The following UTP11 variants were observed in gnomAD, a reference collection of about 807,000 sequenced individuals.
UTP11 encodes probable U3 small nucleolar RNA-associated protein 11.
In UTP11, 29 loss-of-function variants were observed where a neutral mutation model predicts 39.0. The observed-to-expected ratio is 0.74, with a 90% CI of 0.55 to 1.01. The LOEUF is 1.01. Ranked by LOEUF, UTP11 falls within the 50% of genes least tolerant of loss-of-function variation. The probability of loss-of-function intolerance (pLI) is 0.00; values close to 1 mark genes in which losing one functional copy is unlikely to be tolerated. For synonymous variants in UTP11, 111 were observed against 105.0 expected, an observed-to-expected ratio of 1.06 and a Z score of -0.35; for missense variants, 281 against 306.0, an observed-to-expected ratio of 0.92 and a Z score of 0.61.
At chr1:38,022,334 G>A (rs145502539) in intron 6 of UTP11, among the ~76,000 whole-genome samples, 25 of 152,196 alleles carry the variant, frequency 1.6e-4, no homozygotes, top group African/African-American at 4.8e-4. Context: ...TGTAAATGAC[G>A]GGTTTCGATA....
intron 3 of UTP11, 37 bp from the exon 4 acceptor site, chr1:38,018,427 T>C: frequency 6.8e-7 from 1 of 1,478,574 alleles, no homozygotes; most frequent in South Asian, 1.2e-5. Flanking sequence ...ATGATTTTAA[T>C]CTAATAGGGA....
Position 38,012,755 on chromosome 1 carries a change from A to C in UTP11, c.-48A>C, listed in dbSNP as rs1018709830. ...AATCAGTGGACTTGGCGGCAGAGGC[A>C]GTGCGGATCCGGCGTTCTCCACTGA... On this transcript the variant is annotated 5_prime_UTR_variant, in exon 1 of 8. Coordinates refer to ENST00000373014, the MANE Select transcript of UTP11 (RefSeq NM_016037.4). The C allele has an allele frequency of 1.2e-6, 2 of 1,612,720 alleles. No individual in the cohort carries two copies. The highest frequency in any genetic ancestry group is 1.3e-5 in the African/African-American group (1 of 75,056).
intron 6 of UTP11, among the ~76,000 whole-genome samples, chr1:38,021,398 G>A (rs1005821982): frequency 6.6e-6 from 1 of 152,078 alleles, no homozygotes; most frequent in African/African-American, 2.4e-5. Flanking sequence ...TTTCTATTTT[G>A]TTTACTGCAA....
intron 1 of UTP11, among the ~76,000 whole-genome samples, chr1:38,013,818 G>A (rs977061266): frequency 6.6e-6 from 1 of 152,074 alleles, no homozygotes; most frequent in Non-Finnish European, 1.5e-5. Flanking sequence ...AGGTTCAAGC[G>A]GTTCTCCTGC....
At chr1:38,022,494 A>G (rs995682695) in intron 6 of UTP11, among the ~76,000 whole-genome samples, 2 of 151,998 alleles carry the variant, frequency 1.3e-5, no homozygotes, top group Non-Finnish European at 2.9e-5. Flanking sequence ...GGCGTGAGCC[A>G]CTGCGTCTGG....
In UTP11 at chr1:38,022,759, A is replaced by C; in HGVS notation, c.628A>C (p.Lys210Gln). ...CCTGACACAGCGGATTGAACGAGAG[A>C]AGAAATTGTTCGTTATTGCTCAGAA... ...NCLTQRIEREKKLFVIAQKIQ... is the reference protein window; with the variant it reads ...NCLTQRIEREQKLFVIAQKIQ... Residue 210 changes from lysine (K) to glutamine (Q), a missense_variant, in exon 7 of 8, where the codon AAG becomes CAG. Lys to Gln is a moderately conservative substitution (Grantham distance 53). Transcript: ENST00000373014. 6.2e-7 allele frequency: 1 copy of C among 1,614,156 alleles called. No individual in the cohort carries two copies. The highest frequency in any genetic ancestry group is 1.1e-5 in the South Asian group (1 of 91,082).
At position 38,018,010 on chromosome 1, in the gene UTP11, T is replaced by C. The variant is rs75030140; in HGVS notation, c.228+240T>C. ...AGGACAGATGACTGGAGGTGCTACATTGAACGTACGCCTCAGGGGCCTGTG... is the reference window on the plus strand; with the variant it reads ...AGGACAGATGACTGGAGGTGCTACACTGAACGTACGCCTCAGGGGCCTGTG... On this transcript the variant is annotated intron_variant, in intron 3 of 7. Transcript: ENST00000373014. Among the ~76,000 whole-genome samples the C allele has an allele frequency of 7.9e-3, 1,203 of 152,292 alleles. 22 individuals carry two copies. The highest frequency in any genetic ancestry group is 0.028 in the African/African-American group (1,161 of 41,584).
In UTP11 at chr1:38,018,721, A is replaced by G. The variant is rs139788031; in HGVS notation, c.342+144A>G. ...GATTTAGAAGTATAGTTAGCATGGTAGAGTGGAAAGAGTTCAGGTTTGGGA... is the reference window on the plus strand; with the variant it reads ...GATTTAGAAGTATAGTTAGCATGGTGGAGTGGAAAGAGTTCAGGTTTGGGA... On this transcript the variant is annotated intron_variant, in intron 4 of 7. Transcript: ENST00000373014. The G allele has an allele frequency of 3.6e-3, 2,687 of 737,744 alleles. 15 individuals are homozygous for G. The highest frequency in any genetic ancestry group is 5.1e-3 in the Non-Finnish European group (2,330 of 456,258). The allele number at this position is 737,744 out of a possible 1,614,324, so 45.7% of individuals were successfully genotyped here. A position where few individuals can be genotyped will look rare whatever the true frequency, so the allele number is the denominator to read the frequency against.
intron 6 of UTP11, among the ~76,000 whole-genome samples, chr1:38,020,494 A>G (rs1356132263): frequency 6.6e-6 from 1 of 152,196 alleles, no homozygotes; most frequent in Non-Finnish European, 1.5e-5. Flanking sequence ...GTTGTGCAGA[A>G]GACATGCTTT....
At chr1:38,019,199 G>T (rs1198493780) in intron 5 of UTP11, 47 bp downstream of exon 5, 1 of 1,613,754 alleles carries the variant, frequency 6.2e-7, no homozygotes, top group Non-Finnish European at 8.5e-7. Context: ...ATGCCAGTCT[G>T]TGTCATTTGG....
rs780467444 is a variant in UTP11, at chr1:38,022,799, A to G, written c.668A>G (p.Lys223Arg). The change falls in exon 7 of 8, where the codon AAA becomes AGA. Residue 223 changes from lysine to arginine, a missense_variant. Transcript: ENST00000373014. ...FVIAQKIQTR[K>R]DLMDKTQKVK... ...ATTGCTCAGAAAATTCAAACACGCA[A>G]AGATCTTATGGTGAGGAGAGAGAGC... 1.4e-5 allele frequency: 23 copies of G among 1,612,916 alleles called. No homozygotes were observed. The Admixed American group carries it at 3.5e-4, about 25-fold the overall frequency.
At chr1:38,020,452 T>C (rs1176472610) in intron 6 of UTP11, among the ~76,000 whole-genome samples, 1 of 152,190 alleles carries the variant, frequency 6.6e-6, no homozygotes, top group East Asian at 1.9e-4. Flanking sequence ...GTTTTGGCTT[T>C]TCCTTATGGT....
At position 38,023,674 on chromosome 1, in the gene UTP11, C is replaced by A; in HGVS notation, c.*46C>A. ...TCATTCTGTATCAAAAATCTGTTGT[C>A]GTTTTCTAGTAACTTCAAATTCCAT... On this transcript the variant is annotated 3_prime_UTR_variant, in exon 8 of 8. Transcript: ENST00000373014. The A allele has an allele frequency of 6.5e-7, 1 of 1,537,192 alleles. No homozygotes were observed. The highest frequency in any genetic ancestry group is 1.2e-5 in the South Asian group (1 of 81,500).
In UTP11 at chr1:38,019,064, C is replaced by T. The variant is rs115359084; in HGVS notation, c.348C>T (p.Ile116=). Residue 116 remains isoleucine, a synonymous_variant, in exon 5 of 8, where the codon ATC becomes ATT. Coordinates refer to ENST00000373014, the MANE Select transcript of UTP11 (RefSeq NM_016037.4). ...GACCATATTCTGTGTTCTAGAAAAT[C>T]GAAAGACTAAAATCAGAGCTCCATC... is the stretch of plus-strand genomic sequence containing the variant. ...EMKRVAEAKK[I]ERLKSELHLL... 4.2e-4 allele frequency: 677 copies of T among 1,611,046 alleles called. 1 individual carries two copies. The African/African-American group carries it at 7.9e-3, about 19-fold the overall frequency.
chr1:38,023,485 C>T (rs1201531155), intron 7 of UTP11, 60 bp from the exon 8 acceptor site: 1 of 1,510,280 alleles, frequency 6.6e-7, no homozygotes, highest in African/African-American at 1.4e-5. Flanking sequence ...GTTTATTAAC[C>T]TTTCGATTTT....
At chr1:38,015,969 C>G (rs543768076) in intron 1 of UTP11, among the ~76,000 whole-genome samples, 1 of 152,356 alleles carries the variant, frequency 6.6e-6, no homozygotes, top group South Asian at 2.1e-4. Context: ...TCTCCAGACT[C>G]TAAATTTAGC....
chr1:38,020,531 C>T (rs1277074679), intron 6 of UTP11, among the ~76,000 whole-genome samples: 1 of 152,076 alleles, frequency 6.6e-6, no homozygotes, highest in African/African-American at 2.4e-5. Flanking sequence ...GAGTTGAACT[C>T]TTCTGACTGA....
At chr1:38,019,478 T>C in intron 6 of UTP11, 95 bp downstream of exon 6, 1 of 1,150,764 alleles carries the variant, frequency 8.7e-7, no homozygotes, top group East Asian at 3.0e-5. Context: ...TAAAATAATT[T>C]TTAAAATTTA....
chr1:38,016,589 C>G (rs948265053), intron 2 of UTP11, 169 bp downstream of exon 2: 2 of 657,916 alleles, frequency 3.0e-6, no homozygotes, highest in South Asian at 1.8e-5. Flanking sequence ...AAATTTCTCT[C>G]TTTGTTTAGG....
Sources: allele counts gnomAD v4.1 joint callset (sites outside exome capture counted in the v4.1 genomes callset), GRCh38; gene constraint gnomAD v4.1.1; transcripts MANE v1.5; gene names NCBI Gene and HGNC (gene_info 2026-07-23, HGNC 2026-07-21).